The following PTCHD4 variants were observed in gnomAD, a reference collection of about 807,000 sequenced individuals.
The protein encoded by PTCHD4 is patched domain containing 4, also known as patched domain-containing protein 4.
In PTCHD4, 33 loss-of-function variants were observed where a neutral mutation model predicts 58.1. That is an observed-to-expected ratio of 0.57 (90% CI 0.43 to 0.76). PTCHD4 has a LOEUF of 0.76. Among genes scored for constraint, PTCHD4 ranks in the 30% least tolerant of loss-of-function variants. PTCHD4 has a pLI of 0.00. For missense variants in PTCHD4, 1,058 were observed against 1,027.1 expected, an observed-to-expected ratio of 1.03 and a Z score of -0.41; for synonymous variants, 478 against 409.6, an observed-to-expected ratio of 1.17 and a Z score of -2.02.
intron 4 of PTCHD4, among the ~76,000 whole-genome samples, chr6:47,963,797 A>C (rs188515595): frequency 3.3e-4 from 51 of 152,310 alleles, no homozygotes; most frequent in Non-Finnish European, 7.1e-4. Context: ...CCAACAGAGC[A>C]ATGACATACT....
At chr6:48,007,020 C>T (rs1269760166) in intron 4 of PTCHD4, among the ~76,000 whole-genome samples, 1 of 152,162 alleles carries the variant, frequency 6.6e-6, no homozygotes, top group Non-Finnish European at 1.5e-5. Flanking sequence ...GGGTGGATCA[C>T]CTGAAATCAG....
At position 47,861,059 on chromosome 6, in the gene PTCHD4, T is replaced by C. The variant is rs547105929; in HGVS notation, c.*17244A>G. Reference sequence around the variant, plus strand: ...GTGGAACATTTCAATCGCAGTCTAATTATTGAGCTCTCCCAATCCCTCCAG... The same window carrying C: ...GTGGAACATTTCAATCGCAGTCTAACTATTGAGCTCTCCCAATCCCTCCAG... On this transcript the variant is annotated 3_prime_UTR_variant, in exon 5 of 5. Transcript: ENST00000339488. Among the ~76,000 whole-genome samples, 1 of 152,072 alleles carries C rather than the reference T, an allele frequency of 6.6e-6. No homozygotes were observed. Among genetic ancestry groups the C allele is most frequent in the Admixed American group, 6.6e-5 (1 of 15,260 alleles).
At chr6:47,907,502 G>T (rs1295696623) in intron 4 of PTCHD4, among the ~76,000 whole-genome samples, 1 of 152,168 alleles carries the variant, frequency 6.6e-6, no homozygotes, top group African/African-American at 2.4e-5. Flanking sequence ...GGAGCTAGGG[G>T]TTTTAATAGC....
chr6:47,961,708 G>T (rs1042724246), intron 4 of PTCHD4, among the ~76,000 whole-genome samples: 1 of 152,044 alleles, frequency 6.6e-6, no homozygotes, highest in Non-Finnish European at 1.5e-5. Context: ...TTTAAAAAAA[G>T]AAATTATTTT....
At chr6:47,957,661 C>T (rs184583668) in intron 4 of PTCHD4, among the ~76,000 whole-genome samples, 49 of 150,142 alleles carry the variant, frequency 3.3e-4, no homozygotes, top group African/African-American at 7.8e-4. Context: ...AGTGCAGTGA[C>T]GCAATCTTGG....
At chr6:47,897,567 C>A (rs1257482669) in intron 4 of PTCHD4, among the ~76,000 whole-genome samples, 1 of 152,172 alleles carries the variant, frequency 6.6e-6, no homozygotes, top group Non-Finnish European at 1.5e-5. Context: ...TCATTAAGAC[C>A]TAATTCTCCC....
In PTCHD4 at chr6:47,879,342, C is replaced by G; in HGVS notation, c.1493G>C (p.Ser498Thr). 6.2e-7 allele frequency: 1 copy of G among 1,613,394 alleles called. No homozygotes were observed. Among genetic ancestry groups the G allele is most frequent in the Non-Finnish European group, 8.5e-7 (1 of 1,179,646 alleles). The change falls in exon 5 of 5, where the codon AGT becomes ACT. Residue 498 changes from serine to threonine, a missense_variant. By Grantham distance (58) the Ser-to-Thr change is moderately conservative (BLOSUM62 1). Coordinates refer to ENST00000339488, the MANE Select transcript of PTCHD4 (RefSeq NM_001384253.1). ...CTGCTGAACCATGGCATAGGAAACACTTGGCGAATCACTGGCTAGTAGATT... is the reference window on the plus strand; with the variant it reads ...CTGCTGAACCATGGCATAGGAAACAGTTGGCGAATCACTGGCTAGTAGATT... Reference protein sequence around the residue: ...IINLLASDSPSVSYAMVQQKY... With the variant: ...IINLLASDSPTVSYAMVQQKY...
At chr6:48,014,817 A>C (rs1462425168) in intron 3 of PTCHD4, among the ~76,000 whole-genome samples, 5 of 152,134 alleles carry the variant, frequency 3.3e-5, no homozygotes, top group African/African-American at 4.8e-5. Flanking sequence ...AGAGAAGTTA[A>C]ACCTACTAAA....
chr6:48,088,430 G>A (rs375895035), intron 1 of PTCHD4, among the ~76,000 whole-genome samples: 1 of 152,022 alleles, frequency 6.6e-6, no homozygotes, highest in Admixed American at 6.6e-5. Flanking sequence ...TTTGGGCTCC[G>A]TTTAATGACT....
intron 4 of PTCHD4, among the ~76,000 whole-genome samples, chr6:47,920,597 T>A (rs1386764433): frequency 2.6e-5 from 4 of 152,160 alleles, no homozygotes; most frequent in African/African-American, 9.6e-5. Context: ...GCATTCACAA[T>A]CCTGCCCACA....
At chr6:48,087,274 G>A (rs1359887110) in intron 1 of PTCHD4, among the ~76,000 whole-genome samples, 2 of 152,044 alleles carry the variant, frequency 1.3e-5, no homozygotes, top group African/African-American at 4.8e-5. Flanking sequence ...GATCTATCCA[G>A]TATCTTCAGT....
At chr6:47,920,268 A>T (rs923446055) in intron 4 of PTCHD4, among the ~76,000 whole-genome samples, 1 of 152,082 alleles carries the variant, frequency 6.6e-6, no homozygotes, top group Non-Finnish European at 1.5e-5. Flanking sequence ...CTTACTGAGG[A>T]TAGGATGGAG....
At chr6:48,100,716 C>T (rs1765587004) in intron 1 of PTCHD4, among the ~76,000 whole-genome samples, 1 of 152,308 alleles carries the variant, frequency 6.6e-6, no homozygotes, top group African/African-American at 2.4e-5. Flanking sequence ...CCCTGATATT[C>T]TGTCGACACG....
At chr6:48,084,941 A>G (rs1454490209) in intron 1 of PTCHD4, among the ~76,000 whole-genome samples, 1 of 151,618 alleles carries the variant, frequency 6.6e-6, no homozygotes. Flanking sequence ...ACGGTGTTTC[A>G]CCATGTTGCC....
rs1261362072 is a variant in PTCHD4, at chr6:47,865,884, G to T, written c.*12419C>A. ...GTCCTTATATGAAACTTTCTGGTTT[G>T]TACAAATTCAACTCCTGTACTGGAA... On this transcript the variant is annotated 3_prime_UTR_variant, in exon 5 of 5. Coordinates refer to ENST00000339488, the MANE Select transcript of PTCHD4 (RefSeq NM_001384253.1). 6.6e-6 allele frequency among the ~76,000 whole-genome samples: 1 copy of T among 151,864 alleles called. No individual in the cohort carries two copies. Among genetic ancestry groups the T allele is most frequent in the Non-Finnish European group, 1.5e-5 (1 of 67,898 alleles).
At position 47,872,352 on chromosome 6, in the gene PTCHD4, G is replaced by T. The variant is rs1489182666; in HGVS notation, c.*5951C>A. The stretch of plus-strand genomic sequence containing the variant: ...TTTTTTCCCCCTCTGGTTTGACAGA[G>T]CCTTGTGGGCAATGTGCTTACTCTA... On this transcript the variant is annotated 3_prime_UTR_variant, in exon 5 of 5. Transcript: ENST00000339488. 6.6e-6 allele frequency among the ~76,000 whole-genome samples: 1 copy of T among 151,744 alleles called. No individual in the cohort carries two copies. The highest frequency in any genetic ancestry group is 2.1e-4 in the South Asian group (1 of 4,828).
intron 1 of PTCHD4, among the ~76,000 whole-genome samples, chr6:48,079,881 G>T (rs1028606021): frequency 6.7e-6 from 1 of 149,588 alleles, no homozygotes; most frequent in Non-Finnish European, 1.5e-5. Flanking sequence ...TTGGTGAAGA[G>T]ATTTGGGTAG....
chr6:48,051,802 C>T (rs1050980368), intron 3 of PTCHD4, among the ~76,000 whole-genome samples: 1 of 151,992 alleles, frequency 6.6e-6, no homozygotes, highest in South Asian at 2.1e-4. Flanking sequence ...ATAAGCAGCT[C>T]TGAAAGATTT....
intron 4 of PTCHD4, among the ~76,000 whole-genome samples, chr6:47,971,637 A>G (rs971741651): frequency 3.3e-5 from 5 of 152,186 alleles, no homozygotes; most frequent in Non-Finnish European, 5.9e-5. Context: ...AGGTGTGAGG[A>G]TGGAATAAAA....
Sources: gnomAD v4.1 joint callset for allele counts (sites outside exome capture counted in the v4.1 genomes callset) on GRCh38, gnomAD v4.1.1 for gene constraint, MANE v1.5 for transcripts, NCBI Gene and HGNC (gene_info 2026-07-23, HGNC 2026-07-21) for gene names.